CYP11A1: variants seen among roughly 807,000 people sequenced by gnomAD.
CYP11A1 encodes the protein cytochrome P450 family 11 subfamily A member 1, also known as cholesterol side-chain cleavage enzyme, mitochondrial.
CYP11A1 carries 25 observed loss-of-function variants against 51.9 expected under a neutral mutation model. That is an observed-to-expected ratio of 0.48 (90% confidence interval 0.35 to 0.67). CYP11A1 has a LOEUF of 0.67. CYP11A1 is among the 30% of genes least tolerant of loss of function. CYP11A1 has a pLI of 0.00. For missense variants in CYP11A1, 578 were observed against 680.9 expected, an observed-to-expected ratio of 0.85 and a Z score of 1.68; for synonymous variants, 245 against 262.1, an observed-to-expected ratio of 0.93 and a Z score of 0.63.
chr15:74,349,193 T>TC (rs1176467836), intron 1 of CYP11A1, among the ~76,000 whole-genome samples: 3 of 152,180 alleles, frequency 2.0e-5, no homozygotes, highest in African/African-American at 7.2e-5. Context: ...ATCTCTGACT[T>TC]CTAGTTTCCA....
chr15:74,364,727 T>A (rs1331662322), intron 1 of CYP11A1: 1 of 152,080 alleles, frequency 6.6e-6, no homozygotes, highest in African/African-American at 2.4e-5. Context: ...CTACTGAGGG[T>A]CTAGGAAGTG....
At chr15:74,365,465 C>A in intron 1 of CYP11A1, 1 of 161,426 alleles carries the variant, frequency 6.2e-6, no homozygotes, top group Non-Finnish European at 1.3e-5. Flanking sequence ...GAGCCTCAGT[C>A]TCCTCCTCTG....
chr15:74,344,673 C>T (rs1028534410), intron 3 of CYP11A1, among the ~76,000 whole-genome samples: 5 of 152,198 alleles, frequency 3.3e-5, no homozygotes, highest in African/African-American at 1.2e-4. Flanking sequence ...TCTCCTCTAC[C>T]CTACCAGACT....
intron 1 of CYP11A1, among the ~76,000 whole-genome samples, chr15:74,349,722 TG>T (rs1337726505): frequency 6.6e-6 from 1 of 152,106 alleles, no homozygotes; most frequent in Non-Finnish European, 1.5e-5. Context: ...GTAGGTTGTA[TG>T]TTCACTTTAA....
chr15:74,367,531 A>G lies in CYP11A1; in HGVS notation c.55T>C (p.Phe19Leu). Residue 19 changes from phenylalanine (F) to leucine (L), a missense_variant, in exon 1 of 9, where the codon TTT (phenylalanine) becomes CTT (leucine). Phe to Leu is a conservative substitution (Grantham distance 22). Transcript: ENST00000268053. ...RSVLVKGCQT[F>L]LSAPREGLGR... is the part of the protein sequence containing the mutation. Reference sequence around the variant, plus strand: ...AGCCCCTCCCTGGGGGCACTCAGAAAGGTCTGGCAGCCTTTGACCAGGACT... The same window carrying G: ...AGCCCCTCCCTGGGGGCACTCAGAAGGGTCTGGCAGCCTTTGACCAGGACT... 3 of 1,614,136 alleles carry G rather than the reference A, an allele frequency of 1.9e-6. No homozygotes were observed. The highest frequency in any genetic ancestry group is 2.5e-6 in the Non-Finnish European group (3 of 1,179,996).
chr15:74,367,482 C>T lies in CYP11A1; in HGVS notation c.104G>A (p.Gly35Asp). Residue 35 changes from glycine (G) to aspartate (D), a missense_variant, in exon 1 of 9, where the codon GGC becomes GAC. Gly to Asp is a moderately conservative substitution (Grantham distance 94, BLOSUM62 -1). Transcript: ENST00000268053. ...GCGGGTGGAGATGCCAGCTCCCTCGCCAGTGGGCACCCTGAGACGCCCCAG... is the reference window on the plus strand; with the variant it reads ...GCGGGTGGAGATGCCAGCTCCCTCGTCAGTGGGCACCCTGAGACGCCCCAG... Reference protein sequence around the residue: ...EGLGRLRVPTGEGAGISTRSP... With the variant: ...EGLGRLRVPTDEGAGISTRSP... The T allele has an allele frequency of 6.2e-7, 1 of 1,614,204 alleles. No homozygotes were observed. The highest frequency in any genetic ancestry group is 8.5e-7 in the Non-Finnish European group (1 of 1,180,020).
At position 74,345,188 on chromosome 15, in the gene CYP11A1, G is replaced by C; in HGVS notation, c.481C>G (p.Pro161Ala). The part of the protein sequence containing the change: ...RVALNQEVMA[P>A]EATKNFLPLL... Reference sequence around the variant, plus strand: ...GGCAAAAAGTTCTTGGTGGCCTCTGGAGCCATCACCTCCTGGTTCAGGGCC... The same window carrying C: ...GGCAAAAAGTTCTTGGTGGCCTCTGCAGCCATCACCTCCTGGTTCAGGGCC... Residue 161 changes from proline to alanine, a missense_variant, in exon 3 of 9, where the codon CCA (proline) becomes GCA (alanine). Transcript: ENST00000268053. This position sits in a 1 kb window ranked among gnomAD's most constrained non-coding sequence, Gnocchi z 4.3. 1 of 1,614,142 alleles carries C rather than the reference G, an allele frequency of 6.2e-7. No individual in the cohort carries two copies. The highest frequency in any genetic ancestry group is 8.5e-7 in the Non-Finnish European group (1 of 1,180,026).
chr15:74,367,269 C>G (rs781447202), intron 1 of CYP11A1, 48 bp downstream of exon 1: 1 of 1,612,814 alleles, frequency 6.2e-7, no homozygotes, highest in South Asian at 1.1e-5. Context: ...GCTACCCAGG[C>G]CCCTCCTCCT....
chr15:74,339,775 A>G (rs2060598183), intron 5 of CYP11A1, 22 bp from the exon 6 acceptor site: 1 of 1,613,668 alleles, frequency 6.2e-7, no homozygotes, highest in South Asian at 1.1e-5. Context: ...TAGGGTATAC[A>G]GAAGACCAGG....
chr15:74,343,182 C>A, intron 4 of CYP11A1, 45 bp from the exon 5 acceptor site: 1 of 1,607,684 alleles, frequency 6.2e-7, no homozygotes, highest in South Asian at 1.1e-5. Context: ...TCCCTGCAGG[C>A]GGGTGGGAAG....
intron 1 of CYP11A1, among the ~76,000 whole-genome samples, chr15:74,352,658 T>A (rs1307012097): frequency 6.6e-6 from 1 of 152,220 alleles, no homozygotes; most frequent in Non-Finnish European, 1.5e-5. Context: ...AATGCATATC[T>A]GATTGGTTCC....
At chr15:74,362,049 T>G (rs767558637) in intron 1 of CYP11A1, 117 of 1,492,322 alleles carry the variant, frequency 7.8e-5, no homozygotes, top group Non-Finnish European at 9.7e-5. Context: ...CTCTAATAAG[T>G]TTGACTTGTG....
At chr15:74,357,715 C>T (rs1341237621) in intron 1 of CYP11A1, among the ~76,000 whole-genome samples, 3 of 152,178 alleles carry the variant, frequency 2.0e-5, no homozygotes, top group African/African-American at 7.2e-5. Context: ...AGAGCCAGGA[C>T]CGCGCCCGGC....
rs369873220 is a variant in CYP11A1, at chr15:74,343,786, C to G, written c.829+3G>C. The G allele has an allele frequency of 3.7e-6, 6 of 1,611,806 alleles. No homozygotes were observed. The African/African-American group carries it at 6.7e-5, about 18-fold the overall frequency. ...AGGAGAGCACAGCCAGAGAAGCCCT[C>G]ACCTTTACTGAAAATCACGTCCCAT... On this transcript the variant is annotated splice_donor_region_variant and intron_variant, in intron 4 of 8. Coordinates refer to ENST00000268053, the MANE Select transcript of CYP11A1 (RefSeq NM_000781.3).
chr15:74,356,741 G>A (rs535257911), intron 1 of CYP11A1, among the ~76,000 whole-genome samples: 26 of 152,216 alleles, frequency 1.7e-4, no homozygotes, highest in African/African-American at 5.8e-4. Flanking sequence ...CTGGGCTACA[G>A]CCACACCTTA....
At chr15:74,365,943 G>C in intron 1 of CYP11A1, 1 of 979,286 alleles carries the variant, frequency 1.0e-6, no homozygotes, top group Non-Finnish European at 1.2e-6. Context: ...TCCGTGTTGG[G>C]GAACTTGGCG....
chr15:74,362,125 G>A (rs943337165), intron 1 of CYP11A1: 8 of 843,742 alleles, frequency 9.5e-6, no homozygotes, highest in African/African-American at 3.4e-5. Context: ...CCATTTGCTC[G>A]CAGTATCCTA....
chr15:74,346,362 AAAAAAAAAAAAG>A (rs1398208601), intron 2 of CYP11A1, among the ~76,000 whole-genome samples: 6 of 150,808 alleles, frequency 4.0e-5, no homozygotes, highest in African/African-American at 9.7e-5. Context: ...CAAAAAAAAA[AAAAAAAAAAAAG>A]AAAGAAAGAA....
At chr15:74,340,873 C>A (rs2060603725) in intron 5 of CYP11A1, among the ~76,000 whole-genome samples, 1 of 152,158 alleles carries the variant, frequency 6.6e-6, no homozygotes, top group African/African-American at 2.4e-5. Flanking sequence ...ACCTAATGTT[C>A]CAGCTACATG....
Sources: allele counts gnomAD v4.1 joint callset (sites outside exome capture counted in the v4.1 genomes callset), GRCh38; gene constraint gnomAD v4.1.1; non-coding constraint Gnocchi (gnomAD v3.1); transcripts MANE v1.5; gene names NCBI Gene and HGNC (gene_info 2026-07-23, HGNC 2026-07-21).